Variants in EYA1 observed in about 807,000 individuals in gnomAD.
EYA1 encodes the protein EYA transcriptional coactivator and phosphatase 1, also known as protein phosphatase EYA1.
EYA1 carries 16 observed loss-of-function variants against 82.0 expected under a neutral mutation model. The observed-to-expected ratio is 0.20, with a 90% CI of 0.13 to 0.30. EYA1 has a LOEUF of 0.30. EYA1 is among the 10% of genes least tolerant of loss of function. The pLI is 1.00. For synonymous variants in EYA1, 261 were observed against 264.4 expected (o/e 0.99, Z 0.12); for missense variants, 633 against 730.7 (o/e 0.87, Z 1.54).
At chr8:71,411,505 A>T (rs1345069558) in intron 2 of EYA1, among the ~76,000 whole-genome samples, 1 of 132,488 alleles carries the variant, frequency 7.5e-6, no homozygotes, top group Non-Finnish European at 1.6e-5. Flanking sequence ...AATATCCAGA[A>T]TCTACAATGA....
At chr8:71,237,895 TAA>T (rs1172940276) in intron 12 of EYA1, among the ~76,000 whole-genome samples, 2 of 152,174 alleles carry the variant, frequency 1.3e-5, no homozygotes, top group Admixed American at 1.3e-4. Flanking sequence ...TGCATGGGTA[TAA>T]CTAACACCCA....
chr8:71,261,927 A>G (rs1352120071), intron 11 of EYA1, among the ~76,000 whole-genome samples: 1 of 152,154 alleles, frequency 6.6e-6, no homozygotes, highest in Non-Finnish European at 1.5e-5. Context: ...GGACTGCACA[A>G]TAGTTTTCCT....
intron 2 of EYA1, among the ~76,000 whole-genome samples, chr8:71,421,763 A>G (rs34263488): frequency 0.22 from 34,005 of 152,148 alleles, 4,341 homozygotes; most frequent in Middle Eastern, 0.32. Flanking sequence ...CTAACCTTCA[A>G]TTAAGACATA....
chr8:71,312,105 T>C (rs1821403845), intron 7 of EYA1, among the ~76,000 whole-genome samples: 1 of 152,220 alleles, frequency 6.6e-6, no homozygotes, highest in African/African-American at 2.4e-5. Context: ...GCACTGACAG[T>C]GCTCAGAAAT....
chr8:71,489,694 A>G (rs921392730), intron 2 of EYA1, among the ~76,000 whole-genome samples: 1 of 152,262 alleles, frequency 6.6e-6, no homozygotes, highest in African/African-American at 2.4e-5. Flanking sequence ...ACATGAACAC[A>G]TTTTTAATCC....
At chr8:71,425,104 C>CAAAAAAAA (rs71264555) in intron 2 of EYA1, among the ~76,000 whole-genome samples, 870 of 75,220 alleles carry the variant, frequency 0.012, 1 homozygote, top group Middle Eastern at 0.025. Flanking sequence ...ACTAAAAATA[C>CAAAAAAAA]AAAAAAAAAA....
At chr8:71,274,434 G>A (rs1003592574) in intron 9 of EYA1, among the ~76,000 whole-genome samples, 5 of 152,068 alleles carry the variant, frequency 3.3e-5, no homozygotes, top group African/African-American at 4.8e-5. Context: ...TCCACTGACA[G>A]CTCATGTTTC....
chr8:71,478,396 C>T (rs1366288153), intron 2 of EYA1, among the ~76,000 whole-genome samples: 1 of 152,030 alleles, frequency 6.6e-6, no homozygotes, highest in African/African-American at 2.4e-5. Context: ...AATCATAGTC[C>T]AATAGAGCCC....
intron 2 of EYA1, among the ~76,000 whole-genome samples, chr8:71,387,558 T>C (rs1342986757): frequency 6.6e-6 from 1 of 152,086 alleles, no homozygotes; most frequent in Non-Finnish European, 1.5e-5. Flanking sequence ...TACAGTTAAA[T>C]TATTGGAACA....
intron 2 of EYA1, among the ~76,000 whole-genome samples, chr8:71,454,425 T>A (rs1013959724): frequency 3.9e-5 from 6 of 152,212 alleles, no homozygotes; most frequent in Admixed American, 3.3e-4. Flanking sequence ...GCGGACTTAA[T>A]AGACATCTAC....
At chr8:71,204,114 G>C (rs1807426867) in intron 17 of EYA1, 1 of 152,138 alleles carries the variant, frequency 6.6e-6, no homozygotes, top group Non-Finnish European at 1.5e-5. Flanking sequence ...ATCAAGATTA[G>C]GCATATATTG....
chr8:71,269,648 G>T (rs1339792376), intron 11 of EYA1, 92 bp downstream of exon 11: 7 of 889,550 alleles, frequency 7.9e-6, no homozygotes, highest in Non-Finnish European at 1.2e-5. Context: ...TTTTAAATTT[G>T]TTAAAGTTAA....
intron 12 of EYA1, among the ~76,000 whole-genome samples, chr8:71,224,204 T>C (rs1338380621): frequency 6.6e-6 from 1 of 152,186 alleles, no homozygotes; most frequent in Non-Finnish European, 1.5e-5. Flanking sequence ...TTTGGAGAAG[T>C]TGAGTTACAC....
chr8:71,225,956 G>A (rs1331044949), intron 12 of EYA1, among the ~76,000 whole-genome samples: 1 of 152,174 alleles, frequency 6.6e-6, no homozygotes, highest in Non-Finnish European at 1.5e-5. Context: ...TTGAATTACA[G>A]AAGTTTCAAC....
At chr8:71,492,686 C>G (rs954951156) in intron 2 of EYA1, among the ~76,000 whole-genome samples, 1 of 152,060 alleles carries the variant, frequency 6.6e-6, no homozygotes, top group Non-Finnish European at 1.5e-5. Flanking sequence ...AGGATGGTCT[C>G]AATCTCCTGA....
Position 71,269,790 on chromosome 8 carries a change from T to C in EYA1, c.1000A>G (p.Ile334Val), listed in dbSNP as rs1220662407. ...CCAGTAAGCAAGGAGTGGAAAACAA[T>C]GATTGTCTCATCCAAGTCCCAGATG... ...VFIWDLDETI[I>V]VFHSLLTGSY... The change falls in exon 11 of 18, where the codon ATT becomes GTT. Residue 334 changes from isoleucine to valine, a missense_variant. By Grantham distance (29) the Ile-to-Val change is conservative. Coordinates refer to ENST00000340726, the MANE Select transcript of EYA1 (RefSeq NM_000503.6). 6.2e-7 allele frequency: 1 copy of C among 1,613,788 alleles called. No homozygotes were observed. The highest frequency in any genetic ancestry group is 8.5e-7 in the Non-Finnish European group (1 of 1,179,772).
chr8:71,252,307 A>G (rs1813844307), intron 11 of EYA1, among the ~76,000 whole-genome samples: 1 of 151,966 alleles, frequency 6.6e-6, no homozygotes, highest in African/African-American at 2.4e-5. Context: ...GGTAAATTCA[A>G]ATTTCTGAAG....
chr8:71,244,853 G>A (rs986299003), intron 11 of EYA1, among the ~76,000 whole-genome samples, 161 bp from the exon 12 acceptor site: 1 of 152,190 alleles, frequency 6.6e-6, no homozygotes, highest in African/African-American at 2.4e-5. Context: ...GACTTATTCT[G>A]TGTGCAAACT....
chr8:71,418,386 G>A (rs1450785255), intron 2 of EYA1, among the ~76,000 whole-genome samples: 2 of 152,080 alleles, frequency 1.3e-5, no homozygotes, highest in Non-Finnish European at 2.9e-5. Context: ...CTCTCCATGG[G>A]TCATAAGCTT....
Sources: gnomAD v4.1 joint callset for allele counts (sites outside exome capture counted in the v4.1 genomes callset) on GRCh38, gnomAD v4.1.1 for gene constraint, MANE v1.5 for transcripts, NCBI Gene and HGNC (gene_info 2026-07-23, HGNC 2026-07-21) for gene names.